The following NSDHL variants were observed in gnomAD, a reference collection of about 807,000 sequenced individuals.
NSDHL encodes the protein sterol-4-alpha-carboxylate 3-dehydrogenase, decarboxylating.
NSDHL carries 1 observed loss-of-function variant against 23.0 expected under a neutral mutation model. The ratio of observed to expected loss-of-function variants is 0.04; its 90% CI spans 0.02 to 0.21. The LOEUF (loss-of-function observed/expected upper bound fraction) is 0.21. Among genes scored for constraint, NSDHL ranks in the 10% least tolerant of loss-of-function variants. NSDHL has a pLI of 1.00. For missense variants in NSDHL, 237 were observed against 300.9 expected, an observed-to-expected ratio of 0.79 and a Z score of 1.57; for synonymous variants, 128 against 121.1, an observed-to-expected ratio of 1.06 and a Z score of -0.37.
chrX:152,850,142 A>G, intron 2 of NSDHL, 123 bp from the exon 3 acceptor site: 1 of 746,023 alleles, frequency 1.3e-6, no homozygotes. Context: ...AACTTGGCTC[A>G]AGAAGAGTTC....
At chrX:152,847,753 C>T (rs1933295868) in intron 2 of NSDHL, among the ~76,000 whole-genome samples, 1 of 112,099 alleles carries the variant, frequency 8.9e-6, no homozygotes, top group African/African-American at 3.2e-5. Flanking sequence ...AAAAGGGTCC[C>T]ACTGCTGACA....
At chrX:152,845,564 G>A (rs1159122409) in intron 1 of NSDHL, among the ~76,000 whole-genome samples, 2 of 111,752 alleles carry the variant, frequency 1.8e-5, no homozygotes, top group Admixed American at 1.9e-4. Context: ...ATACTCCTCT[G>A]TTTGGCAACG....
chrX:152,852,164 G>A (rs1026338606), intron 3 of NSDHL, among the ~76,000 whole-genome samples: 1 of 111,174 alleles, frequency 9.0e-6, no homozygotes, highest in East Asian at 2.8e-4. Context: ...CTGGTTGTAT[G>A]TATCCATAAA....
chrX:152,856,160 G>A (rs2125011762), intron 3 of NSDHL, among the ~76,000 whole-genome samples: 1 of 111,474 alleles, frequency 9.0e-6, no homozygotes, highest in South Asian at 3.8e-4. Flanking sequence ...AGTATTTTCT[G>A]TATACTGGTA....
chrX:152,846,375 T>C lies in NSDHL; in HGVS notation c.51T>C (p.His17=). 8.3e-7 allele frequency: 1 copy of C among 1,211,352 alleles called. No homozygotes were observed. Among genetic ancestry groups the C allele is most frequent in the Non-Finnish European group, 1.1e-6 (1 of 894,917 alleles). Residue 17 remains histidine, a synonymous_variant, in exon 2 of 8, where the codon CAT becomes CAC. Transcript: ENST00000370274. ...TGAGAGACCAAGTCGCACGGACTCA[T>C]TTGACAGAGGACACTCCCAAAGTGA... The part of the protein sequence containing the change: ...EPMRDQVART[H]LTEDTPKVNA...
rs189662679 is a variant in NSDHL at position 152,835,397 on chromosome X, C to T, written c.-44+4280C>T. ...ATACATGTGCCATCTTGGTTTGCTG[C>T]ACCCATCAACTCGTCATTTACATTA... On this transcript the variant is annotated intron_variant, in intron 1 of 7. Transcript: ENST00000370274. Among the ~76,000 whole-genome samples, 579 of 108,921 alleles carry T rather than the reference C, an allele frequency of 5.3e-3. 2 individuals carry two copies. Among genetic ancestry groups the T allele is most frequent in the Middle Eastern group, 0.024 (5 of 212 alleles). 94.6% of individuals were successfully genotyped at this position (108,921 alleles called of 115,157 possible).
intron 5 of NSDHL, among the ~76,000 whole-genome samples, chrX:152,863,582 C>G (rs1260743822): frequency 8.9e-6 from 1 of 112,810 alleles, no homozygotes; most frequent in Non-Finnish European, 1.9e-5. Flanking sequence ...GGCAAAACAG[C>G]TTCATCAAAG....
intron 1 of NSDHL, among the ~76,000 whole-genome samples, chrX:152,843,724 T>A (rs1196254062): frequency 8.9e-6 from 1 of 112,601 alleles, no homozygotes; most frequent in Non-Finnish European, 1.9e-5. Flanking sequence ...TACTTTTTGG[T>A]TCAAGAAGAA....
In NSDHL at chrX:152,838,238, A is replaced by C. The variant is rs1388438880; in HGVS notation, c.-44+7121A>C. On this transcript the variant is annotated intron_variant, in intron 1 of 7. Transcript: ENST00000370274. ...GTCTATCAATTTTATTGATCTTTTC[A>C]AAAAACCAGCTCCTGGATTCACTGA... 3.6e-5 allele frequency among the ~76,000 whole-genome samples: 4 copies of C among 111,457 alleles called. No homozygotes were observed. The East Asian group carries it at 1.1e-3, about 31-fold the overall frequency.
chrX:152,853,633 C>T (rs1461082783), intron 3 of NSDHL, among the ~76,000 whole-genome samples: 3 of 112,322 alleles, frequency 2.7e-5, no homozygotes, highest in Non-Finnish European at 3.8e-5. Context: ...AGGCCCTGCA[C>T]GGCACGTCCC....
intron 1 of NSDHL, among the ~76,000 whole-genome samples, chrX:152,836,779 T>G (rs1467992485): frequency 8.9e-6 from 1 of 112,188 alleles, no homozygotes; most frequent in Admixed American, 9.5e-5. Flanking sequence ...TTCTCTTGGC[T>G]ATGTGGGCTC....
At chrX:152,845,727 G>A (rs1164942510) in intron 1 of NSDHL, among the ~76,000 whole-genome samples, 1 of 111,513 alleles carries the variant, frequency 9.0e-6, no homozygotes, top group Admixed American at 9.5e-5. Context: ...GGAGAGCTCC[G>A]TCTCCTATTG....
chrX:152,862,740 C>G lies in NSDHL; in HGVS notation c.543+16C>G. On this transcript the variant is annotated intron_variant, in intron 5 of 7. Coordinates refer to ENST00000370274, the MANE Select transcript of NSDHL (RefSeq NM_015922.3). The stretch of plus-strand genomic sequence containing the variant: ...ACAGGAGAGGGTATGTACCTTGGAA[C>G]TGGTTGAGTGAGCAGACTGAAGGGT... 2 of 1,202,751 alleles carry G rather than the reference C, an allele frequency of 1.7e-6. No homozygotes were observed. Among genetic ancestry groups the G allele is most frequent in the South Asian group, 3.5e-5 (2 of 56,801 alleles).
In NSDHL at chrX:152,868,996, A is replaced by G; in HGVS notation, c.1002A>G (p.Thr334=). 8.3e-7 allele frequency: 1 copy of G among 1,211,775 alleles called. No homozygotes were observed. Among genetic ancestry groups the G allele is most frequent in the Admixed American group, 2.2e-5 (1 of 46,072 alleles). ...CCATGCGGGTCGCACTGGCTGGCAC[A>G]TTCCACTACTACAGCTGCGAGAGAG... ...FTPMRVALAG[T]FHYYSCERAK... The change falls in exon 8 of 8, where the codon ACA becomes ACG. Residue 334 remains threonine (T), a synonymous_variant. Transcript: ENST00000370274.
chrX:152,860,755 A>G (rs1338301573), intron 4 of NSDHL, among the ~76,000 whole-genome samples: 1 of 111,425 alleles, frequency 9.0e-6, no homozygotes, highest in Non-Finnish European at 1.9e-5. Context: ...TGAGAATAAA[A>G]CAGCACCTCT....
At chrX:152,836,021 G>A (rs1324691486) in intron 1 of NSDHL, among the ~76,000 whole-genome samples, 3 of 112,303 alleles carry the variant, frequency 2.7e-5, no homozygotes, top group African/African-American at 9.7e-5. Context: ...GTATCTCATT[G>A]TGGTTTTGAT....
At chrX:152,846,953 C>G (rs1933283132) in intron 2 of NSDHL, among the ~76,000 whole-genome samples, 1 of 112,407 alleles carries the variant, frequency 8.9e-6, no homozygotes, top group Non-Finnish European at 1.9e-5. Context: ...CCTGGAGATT[C>G]TTCACATCAG....
At chrX:152,864,751 T>G (rs1933580928) in intron 5 of NSDHL, among the ~76,000 whole-genome samples, 1 of 111,889 alleles carries the variant, frequency 8.9e-6, no homozygotes, top group African/African-American at 3.3e-5. Flanking sequence ...GGAAGCCATT[T>G]GAGGGTTTAT....
chrX:152,862,331 C>A (rs1556847596), intron 4 of NSDHL, among the ~76,000 whole-genome samples: 1 of 111,758 alleles, frequency 8.9e-6, no homozygotes, highest in African/African-American at 3.3e-5. Context: ...ATGTGTTATC[C>A]CTTGTTTTGA....
Sources: gnomAD v4.1 joint callset for allele counts (sites outside exome capture counted in the v4.1 genomes callset) on GRCh38, gnomAD v4.1.1 for gene constraint, MANE v1.5 for transcripts, NCBI Gene and HGNC (gene_info 2026-07-23, HGNC 2026-07-21) for gene names.